ACVR1: variants seen among roughly 807,000 people sequenced by gnomAD.
ACVR1 encodes the protein activin A receptor type 1.
In ACVR1, 38 loss-of-function variants were observed where a neutral mutation model predicts 57.1. The observed-to-expected ratio is 0.67, with a 90% CI of 0.51 to 0.87. The LOEUF is 0.87. ACVR1 is among the 40% of genes least tolerant of loss of function. The pLI, the probability that ACVR1 is intolerant of heterozygous loss-of-function variation, is 0.00. For synonymous variants in ACVR1, 212 were observed against 228.1 expected (o/e 0.93, Z 0.63); for missense variants, 463 against 638.2 (o/e 0.73, Z 2.96).
At chr2:157,864,989 T>C (rs1689861879) in intron 1 of ACVR1, among the ~76,000 whole-genome samples, 1 of 151,802 alleles carries the variant, frequency 6.6e-6, no homozygotes, top group African/African-American at 2.4e-5. Context: ...TAAGCTCTGC[T>C]TTTAATGTAA....
At chr2:157,762,354 T>C (rs1685692572) in intron 8 of ACVR1, among the ~76,000 whole-genome samples, 1 of 152,218 alleles carries the variant, frequency 6.6e-6, no homozygotes, top group Non-Finnish European at 1.5e-5. Context: ...AATCTATAAA[T>C]TAAACTATAA....
intron 9 of ACVR1, among the ~76,000 whole-genome samples, chr2:157,749,766 G>A (rs1256512131): frequency 6.6e-6 from 1 of 152,212 alleles, no homozygotes; most frequent in Non-Finnish European, 1.5e-5. Context: ...GCCATCTGGA[G>A]GTCTGAAGAA....
intron 9 of ACVR1, among the ~76,000 whole-genome samples, chr2:157,757,020 T>TGA (rs1255417793): frequency 3.2e-4 from 39 of 122,936 alleles, no homozygotes; most frequent in African/African-American, 1.4e-3. Context: ...TATATATATT[T>TGA]GATATATATA....
At chr2:157,752,064 CCATAT>C (rs1416907316) in intron 9 of ACVR1, among the ~76,000 whole-genome samples, 7 of 152,312 alleles carry the variant, frequency 4.6e-5, no homozygotes, top group African/African-American at 1.7e-4. Flanking sequence ...CATTCCCCTG[CCATAT>C]CCACCAGAGC....
intron 1 of ACVR1, among the ~76,000 whole-genome samples, chr2:157,843,434 G>A (rs925800092): frequency 6.6e-6 from 1 of 152,082 alleles, no homozygotes. Context: ...ACGGAGATTT[G>A]CATCCATATT....
chr2:157,783,607 G>A (rs913225722), intron 3 of ACVR1, among the ~76,000 whole-genome samples: 1 of 152,124 alleles, frequency 6.6e-6, no homozygotes, highest in Non-Finnish European at 1.5e-5. Context: ...TGAAATACCA[G>A]GGTTTTCATA....
At chr2:157,824,738 C>T (rs1466395178) in intron 1 of ACVR1, among the ~76,000 whole-genome samples, 1 of 152,044 alleles carries the variant, frequency 6.6e-6, no homozygotes, top group East Asian at 1.9e-4. Context: ...CATAAGTAAC[C>T]CATGTCACTC....
intron 1 of ACVR1, among the ~76,000 whole-genome samples, chr2:157,825,701 GA>G (rs1310572827): frequency 6.6e-6 from 1 of 152,118 alleles, no homozygotes; most frequent in Non-Finnish European, 1.5e-5. Context: ...TCCATCCGTA[GA>G]AAAAATGTCT....
At chr2:157,852,924 A>G (rs1689372641) in intron 1 of ACVR1, among the ~76,000 whole-genome samples, 2 of 152,208 alleles carry the variant, frequency 1.3e-5, no homozygotes, top group South Asian at 4.1e-4. Flanking sequence ...TCTATAGTAA[A>G]GGGCATCAGT....
intron 8 of ACVR1, among the ~76,000 whole-genome samples, chr2:157,762,503 C>T (rs1033960121): frequency 6.6e-5 from 10 of 152,086 alleles, no homozygotes; most frequent in Admixed American, 5.9e-4. Context: ...TTTGCAGAAC[C>T]AAACAGTCAA....
intron 8 of ACVR1, among the ~76,000 whole-genome samples, chr2:157,763,596 C>G (rs1408138923): frequency 6.6e-6 from 1 of 152,068 alleles, no homozygotes; most frequent in Non-Finnish European, 1.5e-5. Flanking sequence ...TGGTACACAC[C>G]TGTAGTCCCA....
intron 1 of ACVR1, among the ~76,000 whole-genome samples, chr2:157,869,188 T>C (rs911025094): frequency 6.6e-6 from 1 of 152,130 alleles, no homozygotes; most frequent in Non-Finnish European, 1.5e-5. Flanking sequence ...GGGATCAAGA[T>C]GATGATGATG....
At position 157,818,390 on chromosome 2, in the gene ACVR1, T is replaced by C. The variant is rs113455580; in HGVS notation, c.-13A>G. 1.1e-3 allele frequency: 167 copies of C among 152,342 alleles called. No homozygotes were observed. Among genetic ancestry groups the C allele is most frequent in the African/African-American group, 3.7e-3 (154 of 41,584 alleles). The allele number at this position is 152,342 out of a possible 1,614,324, so 9.4% of individuals were successfully genotyped here. ...GGTAAAGCTTACTCAGCTACCTTAATGCAGGCTCTTGGTCACATCTGCCCA... is the reference window on the plus strand; with the variant it reads ...GGTAAAGCTTACTCAGCTACCTTAACGCAGGCTCTTGGTCACATCTGCCCA... On this transcript the variant is annotated 5_prime_UTR_variant, in exon 2 of 11. Transcript: ENST00000434821.
intron 9 of ACVR1, among the ~76,000 whole-genome samples, chr2:157,747,179 CT>C (rs1275799213): frequency 6.6e-6 from 1 of 152,064 alleles, no homozygotes; most frequent in African/African-American, 2.4e-5. Flanking sequence ...AATATATATT[CT>C]TTTAATGACA....
At chr2:157,841,199 G>T (rs1262541175) in intron 1 of ACVR1, among the ~76,000 whole-genome samples, 1 of 151,610 alleles carries the variant, frequency 6.6e-6, no homozygotes, top group Non-Finnish European at 1.5e-5. Flanking sequence ...ATATAAATAA[G>T]ATTTCAGTTT....
Position 157,737,000 on chromosome 2 carries a change from T to G in ACVR1, c.*531A>C. 3.6e-6 allele frequency: 1 copy of G among 280,622 alleles called. No homozygotes were observed. The highest frequency in any genetic ancestry group is 6.7e-6 in the Non-Finnish European group (1 of 150,358). 17.4% of individuals were successfully genotyped at this position (280,622 alleles called of 1,614,324 possible). ...TACATTTTGTTTTGCCAAATTGAAT[T>G]CCTATTATCCAAAGACAGACCAGTG... On this transcript the variant is annotated 3_prime_UTR_variant, in exon 11 of 11. Transcript: ENST00000434821.
In ACVR1 at chr2:157,859,095, A is replaced by G. The variant is rs147201184; in HGVS notation, c.-183+16701T>C. ...AGGGGCTGAGTAAAATAAGGCTGAG[A>G]CCTACTGGGCTGCATTCCGAGACAG... On this transcript the variant is annotated intron_variant, in intron 1 of 10. Coordinates refer to ENST00000434821, the MANE Select transcript of ACVR1 (RefSeq NM_001111067.4). 5.6e-3 allele frequency among the ~76,000 whole-genome samples: 849 copies of G among 152,322 alleles called. 10 individuals carry two copies. The highest frequency in any genetic ancestry group is 0.019 in the African/African-American group (783 of 41,550).
At chr2:157,739,984 G>C (rs1442086914) in intron 9 of ACVR1, among the ~76,000 whole-genome samples, 1 of 152,100 alleles carries the variant, frequency 6.6e-6, no homozygotes, top group Admixed American at 6.6e-5. Context: ...CAGTGTTCGA[G>C]ACAAGCCTGG....
At chr2:157,863,011 CTTTTTTTTTT>C (rs374223805) in intron 1 of ACVR1, among the ~76,000 whole-genome samples, 8 of 62,332 alleles carry the variant, frequency 1.3e-4, no homozygotes, top group African/African-American at 5.8e-4. Context: ...AGAACATTTA[CTTTTTTTTTT>C]TTTTTTTTTT....
Sources: allele counts gnomAD v4.1 joint callset (sites outside exome capture counted in the v4.1 genomes callset), GRCh38; gene constraint gnomAD v4.1.1; transcripts MANE v1.5; gene names NCBI Gene and HGNC (gene_info 2026-07-23, HGNC 2026-07-21).